ERBB4: variants seen among roughly 807,000 people sequenced by gnomAD.
ERBB4 encodes erb-b2 receptor tyrosine kinase 4.
Under a neutral mutation model 158.0 loss-of-function variants are expected in ERBB4, and 42 were observed. The observed-to-expected ratio is 0.27, with a 90% CI of 0.21 to 0.34. ERBB4 has a LOEUF of 0.34. Among genes scored for constraint, ERBB4 ranks in the 10% least tolerant of loss-of-function variants. The pLI, the probability that ERBB4 is intolerant of heterozygous loss-of-function variation, is 1.00. For missense variants in ERBB4, 1,333 were observed against 1,624.1 expected, an observed-to-expected ratio of 0.82 and a Z score of 3.08; for synonymous variants, 583 against 558.7, an observed-to-expected ratio of 1.04 and a Z score of -0.61.
chr2:212,048,132 A>G (rs2077305389), intron 2 of ERBB4, among the ~76,000 whole-genome samples: 1 of 152,252 alleles, frequency 6.6e-6, no homozygotes, highest in Admixed American at 6.5e-5. Context: ...TTGGGCAGAA[A>G]TGGAAAGAGT....
intron 3 of ERBB4, among the ~76,000 whole-genome samples, chr2:211,840,058 T>A (rs923423997): frequency 5.9e-5 from 9 of 152,030 alleles, no homozygotes; most frequent in African/African-American, 2.2e-4. Context: ...AGTGAAGCTC[T>A]GTGATACGGT....
intron 20 of ERBB4, among the ~76,000 whole-genome samples, chr2:211,505,859 C>T (rs1014927360): frequency 1.1e-4 from 16 of 151,074 alleles, no homozygotes; most frequent in African/African-American, 2.9e-4. Context: ...ACTCAGGAGG[C>T]TGAGGCAGGA....
chr2:211,454,031 C>T (rs1023483463), intron 20 of ERBB4, among the ~76,000 whole-genome samples: 3 of 152,130 alleles, frequency 2.0e-5, no homozygotes, highest in African/African-American at 7.2e-5. Flanking sequence ...ATCCAAATGT[C>T]TCTGGAAAAA....
chr2:212,309,511 A>T (rs919167396), intron 1 of ERBB4, among the ~76,000 whole-genome samples: 9 of 150,870 alleles, frequency 6.0e-5, no homozygotes, highest in African/African-American at 2.2e-4. Flanking sequence ...GACTAGAATG[A>T]GATGTTTATA....
intron 2 of ERBB4, among the ~76,000 whole-genome samples, chr2:212,054,938 T>G (rs539481611): frequency 1.1e-4 from 17 of 152,174 alleles, no homozygotes; most frequent in African/African-American, 3.1e-4. Flanking sequence ...CACTGGGGCT[T>G]GTAGGACAGT....
At chr2:211,540,446 C>G (rs1239749401) in intron 20 of ERBB4, among the ~76,000 whole-genome samples, 1 of 151,892 alleles carries the variant, frequency 6.6e-6, no homozygotes, top group Non-Finnish European at 1.5e-5. Context: ...GGGAACGACA[C>G]CTGATGGGGA....
At chr2:211,815,625 T>C (rs1385803977) in intron 3 of ERBB4, among the ~76,000 whole-genome samples, 1 of 152,202 alleles carries the variant, frequency 6.6e-6, no homozygotes, top group Non-Finnish European at 1.5e-5. Flanking sequence ...TTATGGTGTA[T>C]GTGATAGTTA....
At chr2:212,403,535 T>C (rs2091266562) in intron 1 of ERBB4, among the ~76,000 whole-genome samples, 1 of 152,032 alleles carries the variant, frequency 6.6e-6, no homozygotes, top group Admixed American at 6.6e-5. Context: ...ATACATAAAC[T>C]GGAATATTAT....
At chr2:211,959,032 C>T (rs374773481) in intron 2 of ERBB4, among the ~76,000 whole-genome samples, 13 of 152,066 alleles carry the variant, frequency 8.5e-5, no homozygotes, top group African/African-American at 1.2e-4. Flanking sequence ...ACAATCCTAA[C>T]GTAAATGTAT....
intron 1 of ERBB4, among the ~76,000 whole-genome samples, chr2:212,441,981 C>A (rs1044980940): frequency 6.6e-6 from 1 of 152,156 alleles, no homozygotes; most frequent in Non-Finnish European, 1.5e-5. Context: ...CTCTGTATGT[C>A]AGATCTAAGA....
At chr2:211,717,853 C>T (rs2073971790) in intron 7 of ERBB4, among the ~76,000 whole-genome samples, 2 of 152,116 alleles carry the variant, frequency 1.3e-5, no homozygotes, top group South Asian at 4.1e-4. Flanking sequence ...CTACCCCCCT[C>T]ATCCTTATAT....
At chr2:211,819,283 C>T (rs1465225799) in intron 3 of ERBB4, among the ~76,000 whole-genome samples, 2 of 152,076 alleles carry the variant, frequency 1.3e-5, no homozygotes, top group East Asian at 1.9e-4. Flanking sequence ...AATGAAATGA[C>T]ATGGTCTCTG....
chr2:211,920,709 G>A (rs1269816122), intron 3 of ERBB4, among the ~76,000 whole-genome samples: 1 of 123,954 alleles, frequency 8.1e-6, no homozygotes, highest in African/African-American at 3.0e-5. Context: ...GGAGAGCTGT[G>A]ACTTTTTTTT....
At chr2:212,256,825 T>C (rs2084756702) in intron 1 of ERBB4, among the ~76,000 whole-genome samples, 1 of 152,174 alleles carries the variant, frequency 6.6e-6, no homozygotes, top group African/African-American at 2.4e-5. Flanking sequence ...AGATAAAATA[T>C]TTTTCTTTGT....
intron 3 of ERBB4, among the ~76,000 whole-genome samples, chr2:211,896,667 G>T (rs1176438752): frequency 6.6e-6 from 1 of 151,942 alleles, no homozygotes; most frequent in Non-Finnish European, 1.5e-5. Flanking sequence ...TTTAAAATTT[G>T]ATTGTCATTT....
At chr2:211,903,802 A>AC (rs780549401) in intron 3 of ERBB4, among the ~76,000 whole-genome samples, 28 of 151,886 alleles carry the variant, frequency 1.8e-4, no homozygotes, top group Non-Finnish European at 3.1e-4. Flanking sequence ...AAAAAAAAGC[A>AC]CCTTTACTTA....
chr2:211,396,220 A>G (rs2062913511), intron 25 of ERBB4, among the ~76,000 whole-genome samples: 1 of 152,106 alleles, frequency 6.6e-6, no homozygotes, highest in African/African-American at 2.4e-5. Flanking sequence ...CATGCTAAGA[A>G]AATTAATAGC....
At chr2:211,966,023 G>A (rs2081300836) in intron 2 of ERBB4, among the ~76,000 whole-genome samples, 1 of 152,058 alleles carries the variant, frequency 6.6e-6, no homozygotes. Context: ...ACCAGCGTGG[G>A]TAACTCAGGG....
intron 7 of ERBB4, among the ~76,000 whole-genome samples, chr2:211,719,535 G>A (rs1265380768): frequency 1.3e-5 from 2 of 152,078 alleles, no homozygotes; most frequent in East Asian, 3.9e-4. Context: ...CCAGGTCTTT[G>A]TTCACTGCTG....
Sources: allele counts gnomAD v4.1 joint callset (sites outside exome capture counted in the v4.1 genomes callset), GRCh38; gene constraint gnomAD v4.1.1; transcripts MANE v1.5; gene names NCBI Gene and HGNC (gene_info 2026-07-23, HGNC 2026-07-21).